The following GDPD1 variants were observed in gnomAD, a reference collection of about 807,000 sequenced individuals.
GDPD1 encodes the protein glycerophosphodiester phosphodiesterase domain containing 1, also known as lysophospholipase D GDPD1.
A neutral mutation model predicts 45.1 loss-of-function variants in GDPD1; 28 were observed. The observed-to-expected ratio is 0.62, with a 90% CI of 0.46 to 0.85. GDPD1 has a LOEUF of 0.85. GDPD1 is among the 40% of genes least tolerant of loss of function. The pLI, the probability that GDPD1 is intolerant of heterozygous loss-of-function variation, is 0.00. For synonymous variants in GDPD1, 139 were observed against 131.4 expected (o/e 1.06, Z -0.40); for missense variants, 256 against 364.8 (o/e 0.70, Z 2.43).
At chr17:59,226,779 A>G (rs2047050317) in intron 1 of GDPD1, among the ~76,000 whole-genome samples, 1 of 151,950 alleles carries the variant, frequency 6.6e-6, no homozygotes, top group Non-Finnish European at 1.5e-5. Context: ...GGGTTCAATC[A>G]ATTCTCTGTC....
chr17:59,252,386 C>A (rs376581325), intron 4 of GDPD1, among the ~76,000 whole-genome samples: 2 of 151,468 alleles, frequency 1.3e-5, no homozygotes, highest in East Asian at 2.0e-4. Flanking sequence ...TTACAGGTGC[C>A]CGCCACCACT....
chr17:59,274,734 C>T lies in GDPD1; in HGVS notation c.*961C>T, dbSNP rs1304477038. 4.0e-5 allele frequency among the ~76,000 whole-genome samples: 6 copies of T among 150,168 alleles called. No individual in the cohort carries two copies. Among genetic ancestry groups the T allele is most frequent in the African/African-American group, 7.4e-5 (3 of 40,778 alleles). ...CGGAGCTTGCAGTGAGCCGAGATCG[C>T]GCCACTGCACTCCAGCCTGGGCTAC... On this transcript the variant is annotated 3_prime_UTR_variant, in exon 10 of 10. Transcript: ENST00000284116.
chr17:59,266,820 T>G (rs5028198), intron 6 of GDPD1, among the ~76,000 whole-genome samples: 15,398 of 152,192 alleles, frequency 0.1, 1,037 homozygotes, highest in South Asian at 0.26. Flanking sequence ...GAAATTTTAG[T>G]AACATCATTA....
rs372998216 is a variant in GDPD1, at chr17:59,237,854, G to C, written c.185+3320G>C. Among the ~76,000 whole-genome samples, 3 of 150,902 alleles carry C rather than the reference G, an allele frequency of 2.0e-5. No individual in the cohort carries two copies. In the East Asian group the frequency reaches 5.9e-4, roughly 30 times the overall value. On this transcript the variant is annotated intron_variant, in intron 2 of 9. Coordinates refer to ENST00000284116, the MANE Select transcript of GDPD1 (RefSeq NM_182569.4). ...TGGGGCCAAGGCAGGCGGATCACTT[G>C]AGATGAGGAGTTCGAGACCAGCTTG...
rs59022202 is a variant in GDPD1 at position 59,252,006 on chromosome 17, A to AAAG, written c.367+3223_367+3224insGAA. Among the ~76,000 whole-genome samples, 399 of 150,466 alleles carry AAAG rather than the reference A, an allele frequency of 2.7e-3. 4 individuals are homozygous for AAAG. The highest frequency in any genetic ancestry group is 9.5e-3 in the African/African-American group (391 of 41,058). On this transcript the variant is annotated intron_variant, in intron 4 of 9. Transcript: ENST00000284116. Reference sequence around the variant, plus strand: ...GACTCAGTCTCAAAAAAAAAAAAAAAAAAAAGAGAAAAGAAAAGAAAACAA... The same window carrying AAAG: ...GACTCAGTCTCAAAAAAAAAAAAAAAAAGAAAAAGAGAAAAGAAAAGAAAACAA...
rs2047146713 is a variant in GDPD1 at position 59,238,008 on chromosome 17, C to T, written c.185+3474C>T. Among the ~76,000 whole-genome samples the T allele has an allele frequency of 2.0e-5, 3 of 148,452 alleles. No homozygotes were observed. In the South Asian group the frequency reaches 6.4e-4, roughly 32 times the overall value. ...AAAAGGCCGGGCATGGTGGCTCATG[C>T]CTGTAATCCCAGCACTTTGGGAGGC... On this transcript the variant is annotated intron_variant, in intron 2 of 9. Transcript: ENST00000284116.
At chr17:59,269,479 C>CT (rs1156488656) in intron 7 of GDPD1, among the ~76,000 whole-genome samples, 2 of 144,974 alleles carry the variant, frequency 1.4e-5, no homozygotes, top group Non-Finnish European at 3.0e-5. Context: ...TTGTCTACCC[C>CT]CCCCCCCAAA....
chr17:59,248,394 T>C (rs552147423), intron 3 of GDPD1, among the ~76,000 whole-genome samples: 1 of 152,218 alleles, frequency 6.6e-6, no homozygotes, highest in Non-Finnish European at 1.5e-5. Flanking sequence ...TAATTAACAT[T>C]TCATTAATTA....
rs1597995230 is a variant in GDPD1 at position 59,270,813 on chromosome 17, CA to C, written c.711-120del. On this transcript the variant is annotated intron_variant, in intron 7 of 9. Coordinates refer to ENST00000284116, the MANE Select transcript of GDPD1 (RefSeq NM_182569.4). ...CTTTATTTTATTTTTGTCCTTTTTA[CA>C]AATATTTTTTGAGAATATACAAAGT... 4 of 587,770 alleles carry C rather than the reference CA, an allele frequency of 6.8e-6. No homozygotes were observed. In the East Asian group the frequency reaches 1.2e-4, roughly 18 times the overall value. The allele number at this position is 587,770 out of a possible 1,614,324, so 36.4% of individuals were successfully genotyped here.
chr17:59,274,408 A>C lies in GDPD1; in HGVS notation c.*635A>C, dbSNP rs1215442582. On this transcript the variant is annotated 3_prime_UTR_variant, in exon 10 of 10. Transcript: ENST00000284116. ...CACGTCTGTCATCCCAGCAGCTCTT[A>C]AGGCTGAGGCACAAGAATTGCTTGA... is the stretch of plus-strand genomic sequence containing the variant. 4 of 151,220 alleles carry C rather than the reference A, an allele frequency of 2.6e-5. No individual in the cohort carries two copies. The Admixed American group carries it at 2.6e-4, about 10-fold the overall frequency. The allele number at this position is 151,220 out of a possible 1,614,324, so 9.4% of individuals were successfully genotyped here.
At chr17:59,272,498 A>G (rs1410523377) in intron 8 of GDPD1, among the ~76,000 whole-genome samples, 1 of 152,220 alleles carries the variant, frequency 6.6e-6, no homozygotes, top group African/African-American at 2.4e-5. Context: ...AAAATGAGGC[A>G]GCCTCTTTTC....
intron 6 of GDPD1, among the ~76,000 whole-genome samples, chr17:59,260,023 T>G (rs1486569562): frequency 8.9e-6 from 1 of 112,616 alleles, no homozygotes; most frequent in Non-Finnish European, 1.6e-5. Flanking sequence ...ATCCTGCCAC[T>G]GCACTCCAGC....
intron 3 of GDPD1, 85 bp downstream of exon 3, chr17:59,245,634 A>C: frequency 1.0e-6 from 1 of 993,598 alleles, no homozygotes; most frequent in South Asian, 1.8e-5. Context: ...ATCAGCAAAA[A>C]ATTTCTAATA....
chr17:59,269,270 C>T (rs893629094), intron 7 of GDPD1, among the ~76,000 whole-genome samples: 1 of 151,790 alleles, frequency 6.6e-6, no homozygotes, highest in Non-Finnish European at 1.5e-5. Flanking sequence ...CTAGCCTGGG[C>T]GACAGAGCAA....
intron 6 of GDPD1, among the ~76,000 whole-genome samples, chr17:59,259,521 C>CCT: frequency 7.4e-6 from 1 of 134,278 alleles, no homozygotes; most frequent in East Asian, 2.2e-4. Flanking sequence ...GAGCCGAGAT[C>CCT]GCACCACTGC....
intron 1 of GDPD1, among the ~76,000 whole-genome samples, chr17:59,231,328 T>C (rs915853804): frequency 1.2e-4 from 18 of 144,518 alleles, no homozygotes; most frequent in South Asian, 2.3e-4. Flanking sequence ...TTCTTTCTTT[T>C]TTTTTTTTTT....
intron 4 of GDPD1, among the ~76,000 whole-genome samples, chr17:59,255,743 CAAAAAAA>C (rs1174794003): frequency 7.5e-5 from 2 of 26,616 alleles, no homozygotes; most frequent in Admixed American, 6.4e-4. Context: ...AACTCCGTCT[CAAAAAAA>C]AAAAAAAAAA....
chr17:59,250,630 A>T (rs1362438912), intron 4 of GDPD1, among the ~76,000 whole-genome samples: 1 of 144,582 alleles, frequency 6.9e-6, no homozygotes, highest in Non-Finnish European at 1.5e-5. Flanking sequence ...AAAAAAAAAA[A>T]AATCCTTTGA....
At chr17:59,234,706 A>G (rs1018359850) in intron 2 of GDPD1, among the ~76,000 whole-genome samples, 172 bp downstream of exon 2, 3 of 152,298 alleles carry the variant, frequency 2.0e-5, no homozygotes, top group Non-Finnish European at 4.4e-5. Flanking sequence ...GAAGTGTTAC[A>G]AAGAGTTTGG....
Sources: allele counts gnomAD v4.1 joint callset (sites outside exome capture counted in the v4.1 genomes callset), GRCh38; gene constraint gnomAD v4.1.1; transcripts MANE v1.5; gene names NCBI Gene and HGNC (gene_info 2026-07-23, HGNC 2026-07-21).